PRKN: variants seen among roughly 807,000 people sequenced by gnomAD.
The protein encoded by PRKN is E3 ubiquitin-protein ligase parkin.
Under a neutral mutation model 59.5 loss-of-function variants are expected in PRKN, and 56 were observed. The ratio of observed to expected loss-of-function variants is 0.94; its 90% CI spans 0.76 to 1.18. The LOEUF is 1.18. Among genes scored for constraint, PRKN ranks in the 50% most tolerant of loss-of-function variants. The pLI is 0.00. For missense variants in PRKN, 657 were observed against 596.4 expected, an observed-to-expected ratio of 1.10 and a Z score of -1.06; for synonymous variants, 250 against 222.1, an observed-to-expected ratio of 1.13 and a Z score of -1.12.
chr6:161,777,759 A>ATATGTATG (rs1233504569), intron 7 of PRKN, among the ~76,000 whole-genome samples: 3 of 141,860 alleles, frequency 2.1e-5, no homozygotes, highest in Non-Finnish European at 4.5e-5. Flanking sequence ...ATATATATGT[A>ATATGTATG]TATGTATATA....
At chr6:162,120,464 A>G (rs983107713) in intron 4 of PRKN, among the ~76,000 whole-genome samples, 2 of 152,186 alleles carry the variant, frequency 1.3e-5, no homozygotes, top group African/African-American at 4.8e-5. Flanking sequence ...AGTAAGGGAA[A>G]CATACATTTC....
intron 7 of PRKN, among the ~76,000 whole-genome samples, chr6:161,741,327 T>C (rs1788173011): frequency 6.6e-6 from 1 of 152,146 alleles, no homozygotes; most frequent in African/African-American, 2.4e-5. Context: ...AAAATTGAAG[T>C]GTGGGAACAG....
At chr6:162,329,558 G>A (rs1208891427) in intron 2 of PRKN, among the ~76,000 whole-genome samples, 1 of 152,064 alleles carries the variant, frequency 6.6e-6, no homozygotes. Context: ...TTCAGCATTT[G>A]CAGTACATTA....
chr6:162,201,784 A>G (rs1253434882), intron 3 of PRKN, among the ~76,000 whole-genome samples: 1 of 152,194 alleles, frequency 6.6e-6, no homozygotes. Context: ...AAAGAGGCCA[A>G]CGCTGAGGAA....
chr6:162,216,920 A>C (rs922731650), intron 3 of PRKN, among the ~76,000 whole-genome samples: 1 of 152,192 alleles, frequency 6.6e-6, no homozygotes, highest in African/African-American at 2.4e-5. Context: ...ACTTCTTATT[A>C]GGTTTAATTT....
intron 1 of PRKN, among the ~76,000 whole-genome samples, chr6:162,553,664 G>A (rs778667007): frequency 3.3e-5 from 5 of 151,686 alleles, no homozygotes; most frequent in Admixed American, 6.6e-5. Context: ...GTAACTGGGC[G>A]TGGTGGTGGG....
chr6:162,375,746 C>T (rs1463746520), intron 2 of PRKN, among the ~76,000 whole-genome samples: 2 of 151,350 alleles, frequency 1.3e-5, no homozygotes, highest in Non-Finnish European at 2.9e-5. Flanking sequence ...GCTTTGTACA[C>T]ACACACACAC....
intron 3 of PRKN, among the ~76,000 whole-genome samples, chr6:162,237,051 T>C (rs1201118577): frequency 6.6e-6 from 1 of 152,170 alleles, no homozygotes; most frequent in African/African-American, 2.4e-5. Flanking sequence ...AGCCCATCCC[T>C]AAGCCCCTGC....
intron 2 of PRKN, among the ~76,000 whole-genome samples, chr6:162,435,255 T>C (rs1376917907): frequency 6.6e-6 from 1 of 152,136 alleles, no homozygotes; most frequent in East Asian, 1.9e-4. Context: ...AATGTGAGTG[T>C]AATCACAATG....
intron 1 of PRKN, among the ~76,000 whole-genome samples, chr6:162,561,422 C>T (rs1036429262): frequency 6.6e-6 from 1 of 152,006 alleles, no homozygotes; most frequent in Non-Finnish European, 1.5e-5. Flanking sequence ...CTCCACCGTT[C>T]GTCCCCCGAC....
chr6:161,628,961 A>G (rs963340898), intron 7 of PRKN, among the ~76,000 whole-genome samples: 1 of 152,212 alleles, frequency 6.6e-6, no homozygotes, highest in Non-Finnish European at 1.5e-5. Context: ...GGAAATCTTC[A>G]ATAATTGATA....
chr6:162,629,943 T>C (rs1783041519), intron 1 of PRKN, among the ~76,000 whole-genome samples: 1 of 152,178 alleles, frequency 6.6e-6, no homozygotes, highest in Non-Finnish European at 1.5e-5. Flanking sequence ...CTCCTCAGAA[T>C]ACTTTCATTA....
rs1399369386 is a variant in PRKN, at chr6:161,657,329, A to T, written c.872-87913T>A. Among the ~76,000 whole-genome samples the T allele has an allele frequency of 2.0e-5, 3 of 152,162 alleles. No individual in the cohort carries two copies. The East Asian group carries it at 5.8e-4, about 29-fold the overall frequency. ...GGCTGGCTTCCTATTAGGCCCTTTT[A>T]GACATAATTAGTTTTTTAAAGGCGA... On this transcript the variant is annotated intron_variant, in intron 7 of 11. Coordinates refer to ENST00000366898, the MANE Select transcript of PRKN (RefSeq NM_004562.3).
chr6:162,384,211 C>G (rs1562719782), intron 2 of PRKN, among the ~76,000 whole-genome samples: 1 of 151,774 alleles, frequency 6.6e-6, no homozygotes. Context: ...CAACCTGTCT[C>G]AGTTTTGGAC....
intron 1 of PRKN, among the ~76,000 whole-genome samples, chr6:162,555,679 C>T (rs996990109): frequency 2.6e-5 from 4 of 151,788 alleles, no homozygotes; most frequent in African/African-American, 9.7e-5. Context: ...ATTCCATTGA[C>T]ATTTCATAAT....
chr6:161,631,001 AC>A (rs1319448953), intron 7 of PRKN, among the ~76,000 whole-genome samples: 1 of 152,166 alleles, frequency 6.6e-6, no homozygotes, highest in African/African-American at 2.4e-5. Flanking sequence ...GGGCAGCACT[AC>A]CCCAGAAGGG....
intron 7 of PRKN, among the ~76,000 whole-genome samples, chr6:161,651,853 A>G (rs1317736452): frequency 6.6e-6 from 1 of 152,230 alleles, no homozygotes; most frequent in Non-Finnish European, 1.5e-5. Flanking sequence ...GGGACCCACA[A>G]ATGGAAATCA....
At chr6:162,593,956 C>T (rs1168789892) in intron 1 of PRKN, among the ~76,000 whole-genome samples, 4 of 152,140 alleles carry the variant, frequency 2.6e-5, no homozygotes, top group African/African-American at 9.7e-5. Flanking sequence ...CGAGCCCAGC[C>T]TGGCCAACAT....
chr6:162,495,800 C>T (rs2128186294), intron 1 of PRKN, among the ~76,000 whole-genome samples: 1 of 152,272 alleles, frequency 6.6e-6, no homozygotes, highest in Non-Finnish European at 1.5e-5. Flanking sequence ...CACTGTGCCT[C>T]CAGCCTCCTC....
Sources: gnomAD v4.1 joint callset for allele counts (sites outside exome capture counted in the v4.1 genomes callset) on GRCh38, gnomAD v4.1.1 for gene constraint, MANE v1.5 for transcripts, NCBI Gene and HGNC (gene_info 2026-07-23, HGNC 2026-07-21) for gene names.